The following COL25A1 variants were observed in gnomAD, a reference collection of about 807,000 sequenced individuals.
The protein encoded by COL25A1 is collagen type XXV alpha 1 chain, also known as collagen alpha-1(XXV) chain.
In COL25A1, 103 loss-of-function variants were observed where a neutral mutation model predicts 128.4. That is an observed-to-expected ratio of 0.80 (90% CI 0.68 to 0.94). The LOEUF (loss-of-function observed/expected upper bound fraction) is 0.94, where lower values mean the gene tolerates loss of function less well. COL25A1 is among the 40% of genes least tolerant of loss of function. The pLI, the probability that COL25A1 is intolerant of heterozygous loss-of-function variation, is 0.00. For synonymous variants in COL25A1, 279 were observed against 277.2 expected, an observed-to-expected ratio of 1.01 and a Z score of -0.06; for missense variants, 745 against 840.0, an observed-to-expected ratio of 0.89 and a Z score of 1.40.
chr4:109,213,140 C>A (rs1237377756), intron 3 of COL25A1, among the ~76,000 whole-genome samples: 1 of 152,076 alleles, frequency 6.6e-6, no homozygotes, highest in Non-Finnish European at 1.5e-5. Flanking sequence ...TTCTAGAATA[C>A]TAATTATTAA....
chr4:109,137,708 T>C (rs1321058389), intron 3 of COL25A1, among the ~76,000 whole-genome samples: 1 of 152,228 alleles, frequency 6.6e-6, no homozygotes, highest in African/African-American at 2.4e-5. Context: ...CTCCTATTTA[T>C]TCTCCATCAT....
chr4:109,218,366 T>TTTTTTGTTTTTTTTTTTTTTG (rs1560887256), intron 3 of COL25A1, among the ~76,000 whole-genome samples: 1 of 134,036 alleles, frequency 7.5e-6, no homozygotes, highest in East Asian at 2.1e-4. Context: ...GGTTTTTTTT[T>TTTTTTGTTTTTTTTTTTTTTG]TTTTTTTTTT....
chr4:109,050,030 C>T, intron 4 of COL25A1, 105 bp downstream of exon 4: 1 of 823,300 alleles, frequency 1.2e-6, no homozygotes, highest in Non-Finnish European at 1.9e-6. Context: ...TTTAAACACA[C>T]ACATATAACC....
chr4:109,070,266 C>A (rs1244098745), intron 3 of COL25A1, among the ~76,000 whole-genome samples: 1 of 151,766 alleles, frequency 6.6e-6, no homozygotes, highest in African/African-American at 2.4e-5. Flanking sequence ...AAAAAAAAAC[C>A]CTCTCACTTT....
At chr4:109,150,376 T>C (rs1483383251) in intron 3 of COL25A1, among the ~76,000 whole-genome samples, 1 of 152,092 alleles carries the variant, frequency 6.6e-6, no homozygotes, top group East Asian at 1.9e-4. Context: ...AGGGTACTTC[T>C]GAGATGAGTG....
chr4:108,951,254 G>A (rs893422399), intron 8 of COL25A1, among the ~76,000 whole-genome samples: 2 of 152,156 alleles, frequency 1.3e-5, no homozygotes, highest in African/African-American at 2.4e-5. Context: ...TGCCATGTGA[G>A]TATGAGGAAG....
intron 6 of COL25A1, among the ~76,000 whole-genome samples, chr4:109,010,041 T>C (rs1447420545): frequency 6.6e-6 from 1 of 152,228 alleles, no homozygotes; most frequent in Admixed American, 6.5e-5. Flanking sequence ...CAGTACATAA[T>C]GCAAACCAGT....
intron 8 of COL25A1, among the ~76,000 whole-genome samples, chr4:108,955,321 C>T (rs1435525880): frequency 1.3e-5 from 2 of 151,934 alleles, no homozygotes; most frequent in Non-Finnish European, 2.9e-5. Context: ...GTCCATGTTT[C>T]TTGACTTGTG....
intron 31 of COL25A1, 110 bp downstream of exon 31, chr4:108,841,585 A>T: frequency 1.1e-6 from 1 of 881,788 alleles, no homozygotes; most frequent in Non-Finnish European, 1.8e-6. Flanking sequence ...CTCAAAGATT[A>T]TCAACATTAC....
At chr4:108,938,652 C>G (rs985589861) in intron 10 of COL25A1, among the ~76,000 whole-genome samples, 1 of 152,086 alleles carries the variant, frequency 6.6e-6, no homozygotes, top group Admixed American at 6.6e-5. Flanking sequence ...GTCAGGAGAT[C>G]GAGACCATCT....
chr4:108,936,228 C>T (rs990463419), intron 11 of COL25A1, among the ~76,000 whole-genome samples: 21 of 151,938 alleles, frequency 1.4e-4, no homozygotes, highest in African/African-American at 3.6e-4. Context: ...GACTTTTTTC[C>T]GTTCCTTCCA....
chr4:109,221,997 A>G (rs972743245), intron 3 of COL25A1, among the ~76,000 whole-genome samples: 1 of 152,104 alleles, frequency 6.6e-6, no homozygotes, highest in African/African-American at 2.4e-5. Flanking sequence ...AGAGAAACTA[A>G]CAAAATTTAA....
chr4:108,982,719 A>T (rs1753113349), intron 6 of COL25A1, among the ~76,000 whole-genome samples: 1 of 152,182 alleles, frequency 6.6e-6, no homozygotes, highest in Non-Finnish European at 1.5e-5. Context: ...GGGTGGGTAT[A>T]AACAGAAACT....
intron 31 of COL25A1, among the ~76,000 whole-genome samples, chr4:108,837,689 A>G (rs1299314136): frequency 1.3e-5 from 2 of 152,300 alleles, no homozygotes; most frequent in Admixed American, 6.5e-5. Context: ...CCTGCCACCA[A>G]CAGAGGGCTA....
intron 3 of COL25A1, among the ~76,000 whole-genome samples, chr4:109,127,246 A>T (rs1768709831): frequency 6.6e-6 from 1 of 152,178 alleles, no homozygotes; most frequent in African/African-American, 2.4e-5. Flanking sequence ...TGCTACTTTA[A>T]TTAAACATCT....
chr4:109,250,919 A>ACTCT (rs1208119698), intron 3 of COL25A1, among the ~76,000 whole-genome samples: 1 of 152,202 alleles, frequency 6.6e-6, no homozygotes, highest in Non-Finnish European at 1.5e-5. Flanking sequence ...CAAGGTTATA[A>ACTCT]CTCTGCCTAA....
At chr4:108,977,857 T>G (rs114754246) in intron 6 of COL25A1, among the ~76,000 whole-genome samples, 6,999 of 152,224 alleles carry the variant, frequency 0.046, 438 homozygotes, top group African/African-American at 0.14. Context: ...TATAGACACC[T>G]CCCCAGCCTC....
intron 13 of COL25A1, among the ~76,000 whole-genome samples, chr4:108,908,486 G>A (rs1743797914): frequency 6.6e-6 from 1 of 152,156 alleles, no homozygotes; most frequent in South Asian, 2.1e-4. Flanking sequence ...AGCAGAGGAA[G>A]CTGTGTAACA....
At chr4:109,120,451 T>G (rs1204909527) in intron 3 of COL25A1, among the ~76,000 whole-genome samples, 2 of 152,126 alleles carry the variant, frequency 1.3e-5, no homozygotes, top group East Asian at 3.8e-4. Context: ...GATAAAAGGT[T>G]AATATGCAAA....
Sources: gnomAD v4.1 joint callset for allele counts (sites outside exome capture counted in the v4.1 genomes callset) on GRCh38, gnomAD v4.1.1 for gene constraint, MANE v1.5 for transcripts, NCBI Gene and HGNC (gene_info 2026-07-23, HGNC 2026-07-21) for gene names.